The following HSF2BP variants were observed in gnomAD, a reference collection of about 807,000 sequenced individuals.
HSF2BP encodes heat shock transcription factor 2 binding protein.
Under a neutral mutation model 35.0 loss-of-function variants are expected in HSF2BP, and 35 were observed. That is an observed-to-expected ratio of 1.00 (90% confidence interval 0.76 to 1.32). The LOEUF (loss-of-function observed/expected upper bound fraction) is 1.32. Among genes scored for constraint, HSF2BP ranks in the 40% most tolerant of loss-of-function variants. HSF2BP has a pLI of 0.00. For missense variants in HSF2BP, 326 were observed against 321.7 expected (o/e 1.01, Z -0.10); for synonymous variants, 114 against 117.4 (o/e 0.97, Z 0.18).
intron 8 of HSF2BP, among the ~76,000 whole-genome samples, chr21:43,584,919 GAAGTTA>G (rs1461617693): frequency 3.3e-5 from 5 of 152,086 alleles, no homozygotes; most frequent in African/African-American, 1.2e-4. Flanking sequence ...CTCAAAGCAA[GAAGTTA>G]AGTTCTCTGT....
intron 8 of HSF2BP, among the ~76,000 whole-genome samples, chr21:43,572,525 C>T (rs1224560426): frequency 6.6e-6 from 1 of 152,194 alleles, no homozygotes; most frequent in Non-Finnish European, 1.5e-5. Flanking sequence ...TTCCTACATC[C>T]AGCACAAGCG....
At chr21:43,631,466 C>G (rs576793163) in intron 5 of HSF2BP, among the ~76,000 whole-genome samples, 2 of 152,162 alleles carry the variant, frequency 1.3e-5, no homozygotes, top group Non-Finnish European at 2.9e-5. Context: ...CCAGCCAGAC[C>G]AGCTAGAATG....
At chr21:43,616,052 A>AAAAAAT (rs57115434) in intron 6 of HSF2BP, among the ~76,000 whole-genome samples, 1 of 143,974 alleles carries the variant, frequency 6.9e-6, no homozygotes, top group African/African-American at 2.6e-5. Flanking sequence ...AAAAAAAAAA[A>AAAAAAT]ATATATATAT....
chr21:43,650,500 C>T (rs977159938), intron 3 of HSF2BP, among the ~76,000 whole-genome samples: 5 of 151,944 alleles, frequency 3.3e-5, no homozygotes, highest in African/African-American at 4.8e-5. Context: ...CCACCGTGCC[C>T]GGCCCATAAA....
chr21:43,579,073 A>G (rs1484631540), intron 8 of HSF2BP, among the ~76,000 whole-genome samples: 2 of 152,220 alleles, frequency 1.3e-5, no homozygotes, highest in Non-Finnish European at 2.9e-5. Flanking sequence ...CCCAATTTTC[A>G]TCTCCTAAAG....
intron 7 of HSF2BP, among the ~76,000 whole-genome samples, chr21:43,599,575 C>T (rs905174370): frequency 6.6e-6 from 1 of 152,074 alleles, no homozygotes; most frequent in African/African-American, 2.4e-5. Context: ...GGGCAGGTCA[C>T]TTGAGGTCAG....
intron 7 of HSF2BP, among the ~76,000 whole-genome samples, chr21:43,598,447 C>T (rs1489227887): frequency 6.6e-6 from 1 of 151,474 alleles, no homozygotes; most frequent in African/African-American, 2.4e-5. Flanking sequence ...GTCTCAAACT[C>T]CTGACCTCAG....
intron 6 of HSF2BP, among the ~76,000 whole-genome samples, chr21:43,622,072 A>AC (rs1037715560): frequency 2.0e-5 from 3 of 152,130 alleles, no homozygotes; most frequent in Non-Finnish European, 4.4e-5. Context: ...TGTTTCTATT[A>AC]TTTTTTGTGA....
intron 8 of HSF2BP, among the ~76,000 whole-genome samples, chr21:43,581,069 G>A (rs1297462946): frequency 6.6e-6 from 1 of 152,186 alleles, no homozygotes; most frequent in Non-Finnish European, 1.5e-5. Context: ...AGGGAAGGAA[G>A]ATGATGCTTA....
intron 3 of HSF2BP, among the ~76,000 whole-genome samples, chr21:43,653,249 G>A (rs1358143136): frequency 1.5e-5 from 2 of 137,444 alleles, no homozygotes; most frequent in African/African-American, 5.4e-5. Context: ...GAAGGGGAGG[G>A]GAGGGGAGGG....
At chr21:43,496,247 C>T in the HSF2BP span, among the ~76,000 whole-genome samples, 10 of 92,988 alleles carry the variant, frequency 1.1e-4, 1 homozygote, top group East Asian at 2.4e-3. Flanking sequence ...CATTTCTATA[C>T]GCTAACAAAT....
intron 8 of HSF2BP, among the ~76,000 whole-genome samples, chr21:43,578,891 G>C (rs948893360): frequency 1.3e-5 from 2 of 152,184 alleles, no homozygotes; most frequent in Admixed American, 1.3e-4. Context: ...GCATGAGCCA[G>C]AAGAGAAGAC....
At chr21:43,467,958 CTT>C in the HSF2BP span, among the ~76,000 whole-genome samples, 4,547 of 66,648 alleles carry the variant, frequency 0.068, 214 homozygotes, top group Non-Finnish European at 0.1. Flanking sequence ...ACACACCACA[CTT>C]ACACCACACA....
intron 8 of HSF2BP, among the ~76,000 whole-genome samples, chr21:43,582,133 GATGAGGGCCTGCTGTGGGGA>G: frequency 8.3e-6 from 1 of 120,308 alleles, no homozygotes; most frequent in East Asian, 2.8e-4. Context: ...TGCTGTGGGG[GATGAGGGCCTGCTGTGGGGA>G]ATGAGGCCCT....
intron 7 of HSF2BP, among the ~76,000 whole-genome samples, chr21:43,599,027 T>C (rs551209048): frequency 6.6e-6 from 1 of 152,352 alleles, no homozygotes; most frequent in East Asian, 1.9e-4. Flanking sequence ...AGCATGAAAC[T>C]AAGATAAACC....
At chr21:43,499,685 TAAC>T in the HSF2BP span, among the ~76,000 whole-genome samples, 14 of 103,890 alleles carry the variant, frequency 1.3e-4, no homozygotes, top group African/African-American at 4.2e-4. Flanking sequence ...GTCAGTGCTG[TAAC>T]AACAATGCTG....
chr21:43,630,363 T>C lies in HSF2BP; in HGVS notation c.533A>G (p.Asp178Gly). Residue 178 changes from aspartate to glycine, a missense_variant, in exon 6 of 9, where the codon GAT becomes GGT. Asp to Gly is a moderately conservative substitution (Grantham distance 94). Transcript: ENST00000291560. Reference sequence around the variant, plus strand: ...CAGAGCGAAAACAAACTGACTTTCATCCGAATCCAGCTCCTGGACATCACC... The same window carrying C: ...CAGAGCGAAAACAAACTGACTTTCACCCGAATCCAGCTCCTGGACATCACC... Reference protein sequence around the residue: ...LDGDVQELDSDESQFVFALAG... With the variant: ...LDGDVQELDSGESQFVFALAG... The C allele has an allele frequency of 6.2e-7, 1 of 1,613,156 alleles. No individual in the cohort carries two copies. The highest frequency in any genetic ancestry group is 8.5e-7 in the Non-Finnish European group (1 of 1,179,722).
chr21:43,603,824 G>A (rs1280457204), intron 7 of HSF2BP, among the ~76,000 whole-genome samples: 2 of 152,156 alleles, frequency 1.3e-5, no homozygotes, highest in Admixed American at 1.3e-4. Flanking sequence ...GGGAGGCTAT[G>A]CCACTGAAAA....
the HSF2BP span, among the ~76,000 whole-genome samples, chr21:43,501,202 A>G: frequency 3.3e-3 from 356 of 108,942 alleles, 80 homozygotes; most frequent in African/African-American, 0.013. Context: ...TCCTGAGGTC[A>G]ACTGCAGTCT....
Sources: gnomAD v4.1 joint callset for allele counts (sites outside exome capture counted in the v4.1 genomes callset) on GRCh38, gnomAD v4.1.1 for gene constraint, MANE v1.5 for transcripts, NCBI Gene and HGNC (gene_info 2026-07-23, HGNC 2026-07-21) for gene names.